FOXK2: variants seen among roughly 807,000 people sequenced by gnomAD.
FOXK2 encodes forkhead box protein K2.
A neutral mutation model predicts 53.3 loss-of-function variants in FOXK2; 24 were observed. The observed-to-expected ratio is 0.45, with a 90% confidence interval of 0.33 to 0.63. The LOEUF is 0.63. Among genes scored for constraint, FOXK2 ranks in the 30% least tolerant of loss-of-function variants. FOXK2 has a pLI of 0.03. For synonymous variants in FOXK2, 505 were observed against 407.1 expected (o/e 1.24, Z -2.89); for missense variants, 952 against 910.5 (o/e 1.05, Z -0.59).
intron 4 of FOXK2, chr17:82,577,249 G>C (rs568731636): frequency 7.8e-7 from 1 of 1,281,116 alleles, no homozygotes; most frequent in Non-Finnish European, 1.1e-6. Flanking sequence ...CAAACTCCAG[G>C]TAGTACTTGT....
At chr17:82,568,993 G>C (rs2044883845) in intron 3 of FOXK2, among the ~76,000 whole-genome samples, 1 of 152,184 alleles carries the variant, frequency 6.6e-6, no homozygotes, top group Non-Finnish European at 1.5e-5. Context: ...GCCTGGGTGA[G>C]AGAGTGAGCT....
At chr17:82,569,569 T>C (rs55683052) in intron 3 of FOXK2, among the ~76,000 whole-genome samples, 19,869 of 152,222 alleles carry the variant, frequency 0.13, 1,469 homozygotes, top group South Asian at 0.2. Flanking sequence ...TTGCAAAAAT[T>C]TGTTCAGCTG....
In FOXK2 at chr17:82,601,445, C is replaced by A. The variant is rs143079344; in HGVS notation, c.1929C>A (p.Ala643=). ...KTEDGEGIVI[A]LSVDTPPAAV... ...AAGACGGCGAGGGCATCGTCATTGC[C>A]CTGAGCGTGGACACGCCACCGGCAG... is the stretch of plus-strand genomic sequence containing the variant. The change falls in exon 9 of 9, where the codon GCC becomes GCA. Residue 643 remains alanine (A), a synonymous_variant. Transcript: ENST00000335255. 4 of 1,612,592 alleles carry A rather than the reference C, an allele frequency of 2.5e-6. No homozygotes were observed. In the South Asian group the frequency reaches 4.4e-5, roughly 18 times the overall value.
intron 4 of FOXK2, among the ~76,000 whole-genome samples, chr17:82,579,989 C>G (rs2045038908): frequency 8.1e-6 from 1 of 122,954 alleles, no homozygotes; most frequent in African/African-American, 3.2e-5. Context: ...GGGCCCAGAT[C>G]CCTCCCACAC....
Position 82,586,985 on chromosome 17 carries a change from G to T in FOXK2, c.1577-78G>T, listed in dbSNP as rs1031812606. ...TTCTAGCAGGTGTGATAGCTATCTG[G>T]TTATTATGTTTTAAACTGGCAAGAT... On this transcript the variant is annotated intron_variant, in intron 7 of 8. Transcript: ENST00000335255. The T allele has an allele frequency of 2.3e-6, 3 of 1,332,886 alleles. No individual in the cohort carries two copies. In the East Asian group the frequency reaches 7.0e-5, roughly 31 times the overall value. The allele number at this position is 1,332,886 out of a possible 1,614,324, so 82.6% of individuals were successfully genotyped here.
chr17:82,520,525 G>GT (rs2044350537), intron 1 of FOXK2, among the ~76,000 whole-genome samples: 3 of 152,164 alleles, frequency 2.0e-5, no homozygotes, highest in South Asian at 4.1e-4. Flanking sequence ...GGCAGGTGCA[G>GT]CCCCCCGTCT....
intron 1 of FOXK2, among the ~76,000 whole-genome samples, chr17:82,539,373 G>A (rs1335046437): frequency 1.2e-4 from 18 of 151,994 alleles, no homozygotes; most frequent in Admixed American, 1.2e-3. Context: ...GTGGCTGGGC[G>A]TGGTGGCTCA....
chr17:82,567,547 C>T (rs2044865344), intron 2 of FOXK2, among the ~76,000 whole-genome samples: 1 of 152,222 alleles, frequency 6.6e-6, no homozygotes. Flanking sequence ...GTGTCCATGT[C>T]CACGGCTTCA....
intron 4 of FOXK2, among the ~76,000 whole-genome samples, chr17:82,573,839 A>T (rs2044950886): frequency 6.6e-6 from 1 of 152,176 alleles, no homozygotes; most frequent in Non-Finnish European, 1.5e-5. Flanking sequence ...TGTTTTTTCT[A>T]ACATCCATTT....
intron 1 of FOXK2, among the ~76,000 whole-genome samples, chr17:82,559,139 C>T (rs2044765184): frequency 1.3e-5 from 2 of 152,182 alleles, no homozygotes; most frequent in South Asian, 4.1e-4. Flanking sequence ...GGGGATCCTC[C>T]TGCCTCGGCC....
intron 2 of FOXK2, among the ~76,000 whole-genome samples, chr17:82,565,805 G>C (rs2044846064): frequency 6.6e-6 from 1 of 152,194 alleles, no homozygotes. Context: ...CCCACTTCTG[G>C]ATATAGACCC....
chr17:82,601,692 A>G lies in FOXK2; in HGVS notation c.*193A>G. 1 of 534,140 alleles carries G rather than the reference A, an allele frequency of 1.9e-6. No homozygotes were observed. The highest frequency in any genetic ancestry group is 1.9e-5 in the African/African-American group (1 of 53,114). The allele number at this position is 534,140 out of a possible 1,614,324, so 33.1% of individuals were successfully genotyped here. A position where few individuals can be genotyped will look rare whatever the true frequency, so the allele number is the denominator to read the frequency against. ...CTTGAACAAAACCCACACACAACAAAACCTGATTTGGGAGACGGTGTCTCC... is the reference window on the plus strand; with the variant it reads ...CTTGAACAAAACCCACACACAACAAGACCTGATTTGGGAGACGGTGTCTCC... On this transcript the variant is annotated 3_prime_UTR_variant, in exon 9 of 9. Coordinates refer to ENST00000335255, the MANE Select transcript of FOXK2 (RefSeq NM_004514.4).
intron 1 of FOXK2, among the ~76,000 whole-genome samples, chr17:82,562,389 C>T (rs1290530665): frequency 1.3e-5 from 2 of 152,078 alleles, no homozygotes; most frequent in East Asian, 1.9e-4. Context: ...GAGACCAGCC[C>T]GACCAACATG....
At chr17:82,559,478 C>T (rs1413836846) in intron 1 of FOXK2, 1 of 456,208 alleles carries the variant, frequency 2.2e-6, no homozygotes, top group East Asian at 6.9e-5. Flanking sequence ...AGCCGTTAGG[C>T]TGGTATGAGA....
chr17:82,596,186 C>CTTG, intron 8 of FOXK2: 2 of 997,232 alleles, frequency 2.0e-6, no homozygotes, highest in South Asian at 8.4e-5. Context: ...CTCACACCAA[C>CTTG]TGCAGGTCAG....
At chr17:82,564,301 C>A (rs2044830478) in intron 2 of FOXK2, among the ~76,000 whole-genome samples, 1 of 152,020 alleles carries the variant, frequency 6.6e-6, no homozygotes, top group Non-Finnish European at 1.5e-5. Flanking sequence ...GTTGGCCAGG[C>A]TGATCTCAAA....
chr17:82,559,053 C>G (rs920558979), intron 1 of FOXK2, among the ~76,000 whole-genome samples: 2 of 152,066 alleles, frequency 1.3e-5, no homozygotes, highest in African/African-American at 4.8e-5. Flanking sequence ...CTGGCCCACG[C>G]TGGTTAATTT....
At chr17:82,579,066 C>A (rs2045025526) in intron 4 of FOXK2, among the ~76,000 whole-genome samples, 1 of 150,440 alleles carries the variant, frequency 6.6e-6, no homozygotes, top group Non-Finnish European at 1.5e-5. Context: ...CTTTCTGAGT[C>A]CCCGCTTAGG....
intron 4 of FOXK2, among the ~76,000 whole-genome samples, chr17:82,580,229 C>T (rs1281468094): frequency 6.9e-6 from 1 of 144,736 alleles, no homozygotes; most frequent in Non-Finnish European, 1.5e-5. Flanking sequence ...CCCACCTCTC[C>T]ATGTCACCAT....
Sources: allele counts gnomAD v4.1 joint callset (sites outside exome capture counted in the v4.1 genomes callset), GRCh38; gene constraint gnomAD v4.1.1; transcripts MANE v1.5; gene names NCBI Gene and HGNC (gene_info 2026-07-23, HGNC 2026-07-21).